ADH1B: variants seen among roughly 807,000 people sequenced by gnomAD.
ADH1B encodes alcohol dehydrogenase 1B (class I), beta polypeptide, also known as all-trans-retinol dehydrogenase [NAD(+)] ADH1B.
In ADH1B, 29 loss-of-function variants were observed where a neutral mutation model predicts 34.6. The ratio of observed to expected loss-of-function variants is 0.84; its 90% CI spans 0.62 to 1.14. The LOEUF is 1.14. Among genes scored for constraint, ADH1B ranks in the 50% most tolerant of loss-of-function variants. The pLI, the probability that ADH1B is intolerant of heterozygous loss-of-function variation, is 0.00. For missense variants in ADH1B, 424 were observed against 468.4 expected, an observed-to-expected ratio of 0.91 and a Z score of 0.87; for synonymous variants, 170 against 175.5, an observed-to-expected ratio of 0.97 and a Z score of 0.25.
Position 99,307,872 on chromosome 4 carries a change from AG to A in ADH1B, c.1104-9del, listed in dbSNP as rs2110627852. 6.2e-7 allele frequency: 1 copy of A among 1,613,966 alleles called. No individual in the cohort carries two copies. Among genetic ancestry groups the A allele is most frequent in the East Asian group, 2.2e-5 (1 of 44,864 alleles). On this transcript the variant is annotated splice_polypyrimidine_tract_variant and intron_variant, in intron 8 of 8. Coordinates refer to ENST00000305046, the MANE Select transcript of ADH1B (RefSeq NM_000668.6). ...GTCAGGACGGTACGGATACTGCAATAGGAAAGAAGAGACATTGTGTTAACAT... is the reference window on the plus strand; with the variant it reads ...GTCAGGACGGTACGGATACTGCAATAGAAAGAAGAGACATTGTGTTAACAT...
rs369951226 is a variant in ADH1B, at chr4:99,316,066, G to A, written c.399C>T (p.Cys133=). 7 of 1,614,064 alleles carry A rather than the reference G, an allele frequency of 4.3e-6. No individual in the cohort carries two copies. The highest frequency in any genetic ancestry group is 1.3e-5 in the African/African-American group (1 of 74,922). The change falls in exon 5 of 9, where the codon TGC becomes TGT. Residue 133 remains cysteine, a synonymous_variant. Transcript: ENST00000305046. The part of the protein sequence containing the change: ...TLQDGTRRFT[C]RGKPIHHFLG... ...GGAAGTGGTGAATGGGCTTCCCCCT[G>A]CAGGTGAACCTCCTGGTGCCATCCT...
Position 99,318,154 on chromosome 4 carries a change from C to T in ADH1B, c.151G>A (p.Asp51Asn), listed in dbSNP as rs1481323916. The T allele has an allele frequency of 1.2e-6, 2 of 1,613,992 alleles. No homozygotes were observed. Among genetic ancestry groups the T allele is most frequent in the Non-Finnish European group, 1.7e-6 (2 of 1,180,010 alleles). Residue 51 changes from aspartate to asparagine, a missense_variant, in exon 3 of 9, where the codon GAC (aspartate) becomes AAC (asparagine). Transcript: ENST00000305046. ...MVAVGICHTD[D>N]HVVSGNLVTP... ...ACCAGGTTGCCACTAACCACGTGGT[C>T]ATCTGTGTGACAGATTCCTACAGCC...
At chr4:99,311,770 A>G (rs1291350180) in intron 6 of ADH1B, 114 bp from the exon 7 acceptor site, 1 of 1,450,280 alleles carries the variant, frequency 6.9e-7, no homozygotes, top group East Asian at 2.3e-5. Context: ...GAGGGAAGAG[A>G]TCATGTCTTT....
chr4:99,314,247 AG>A, intron 5 of ADH1B, 166 bp from the exon 6 acceptor site: 2 of 1,175,092 alleles, frequency 1.7e-6, no homozygotes, highest in Non-Finnish European at 2.3e-6. Context: ...TTTAAATTCA[AG>A]GGGATGAACT....
At chr4:99,309,320 A>T (rs1733690343) in intron 8 of ADH1B, among the ~76,000 whole-genome samples, 1 of 152,200 alleles carries the variant, frequency 6.6e-6, no homozygotes, top group African/African-American at 2.4e-5. Flanking sequence ...TTCCAAAAGT[A>T]TGTATCAATT....
rs752300177 is a variant in ADH1B, at chr4:99,314,077, G to A, written c.572C>T (p.Thr191Ile). The change falls in exon 6 of 9, where the codon ACC (threonine) becomes ATC (isoleucine). Residue 191 changes from threonine (T) to isoleucine (I), a missense_variant. Thr to Ile is a moderately conservative substitution (Grantham distance 89). This residue lies in a region of ADH1B where 291 missense variants were observed against 300.4 expected (regional missense o/e 0.97). Transcript: ENST00000305046. ...YGSAVNVAKV[T>I]PGSTCAVFGL... ...AAACACAGCACAGGTAGAGCCTGGGGTGACCTGTGTTTTCAGAAAATGCAA... is the reference window on the plus strand; with the variant it reads ...AAACACAGCACAGGTAGAGCCTGGGATGACCTGTGTTTTCAGAAAATGCAA... 3 of 1,612,550 alleles carry A rather than the reference G, an allele frequency of 1.9e-6. No homozygotes were observed. In the Admixed American group the frequency reaches 5.0e-5, roughly 27 times the overall value.
chr4:99,310,614 T>C, intron 8 of ADH1B, 151 bp downstream of exon 8: 1 of 1,100,876 alleles, frequency 9.1e-7, no homozygotes, highest in Non-Finnish European at 1.3e-6. Context: ...TCTCACAGTA[T>C]GATCCTACAT....
intron 5 of ADH1B, chr4:99,315,163 T>C (rs191587739): frequency 6.6e-6 from 1 of 152,356 alleles, no homozygotes; most frequent in African/African-American, 2.4e-5. Flanking sequence ...ATTAAAAATA[T>C]ATTTTAGTCT....
rs1248672211 is a variant in ADH1B, at chr4:99,305,591, A to G, written c.*2249T>C. 4 of 124,656 alleles carry G rather than the reference A, an allele frequency of 3.2e-5. 1 individual carries two copies. Among genetic ancestry groups the G allele is most frequent in the South Asian group, 2.6e-4 (1 of 3,874 alleles). The allele number at this position is 124,656 out of a possible 1,614,324, so 7.7% of individuals were successfully genotyped here. A position where few individuals can be genotyped will look rare whatever the true frequency, so the allele number is the denominator to read the frequency against. The stretch of plus-strand genomic sequence containing the variant: ...TATATATATATATATATATATATAT[A>G]TATATATATATATATATACAATCAC... On this transcript the variant is annotated 3_prime_UTR_variant, in exon 9 of 9. Transcript: ENST00000305046.
chr4:99,312,175 T>C (rs1487904745), intron 6 of ADH1B, among the ~76,000 whole-genome samples: 1 of 152,170 alleles, frequency 6.6e-6, no homozygotes, highest in Non-Finnish European at 1.5e-5. Flanking sequence ...ACATGTTCTG[T>C]AGTTAGAAAA....
At chr4:99,318,913 A>G (rs1484547801) in intron 1 of ADH1B, 27 bp from the exon 2 acceptor site, 2 of 1,604,378 alleles carry the variant, frequency 1.2e-6, no homozygotes, top group South Asian at 1.1e-5. Context: ...AGAGATGGTG[A>G]CAGTGTTTTC....
chr4:99,310,666 G>C, intron 8 of ADH1B, 99 bp downstream of exon 8: 1 of 1,468,898 alleles, frequency 6.8e-7, no homozygotes, highest in Non-Finnish European at 9.1e-7. Flanking sequence ...AAAACCAAGG[G>C]ACTCTATATT....
chr4:99,314,239 T>C, intron 5 of ADH1B, 158 bp from the exon 6 acceptor site: 1 of 1,226,250 alleles, frequency 8.2e-7, no homozygotes, highest in East Asian at 2.5e-5. Flanking sequence ...GCTTTATTTT[T>C]AAATTCAAGG....
At chr4:99,315,856 A>G in intron 5 of ADH1B, 42 bp downstream of exon 5, 1 of 1,609,222 alleles carries the variant, frequency 6.2e-7, no homozygotes, top group Non-Finnish European at 8.5e-7. Context: ...GGTTTCCGAC[A>G]GTCTGCATGT....
At chr4:99,320,290 A>G (rs1733990165) in intron 1 of ADH1B, 1 of 152,196 alleles carries the variant, frequency 6.6e-6, no homozygotes, top group African/African-American at 2.4e-5. Flanking sequence ...AAGTGAGAAC[A>G]TTGGATATTT....
chr4:99,318,989 G>C lies in ADH1B; in HGVS notation c.19-103C>G, dbSNP rs780618392. On this transcript the variant is annotated intron_variant, in intron 1 of 8. Transcript: ENST00000305046. The stretch of plus-strand genomic sequence containing the variant: ...CATGTAATATTGCGTCCCATGTCTG[G>C]TACCTAACAAGTGCTCCATGGAAAT... The C allele has an allele frequency of 4.8e-6, 6 of 1,242,572 alleles. No homozygotes were observed. The African/African-American group carries it at 7.4e-5, about 15-fold the overall frequency. The allele number at this position is 1,242,572 out of a possible 1,614,324, so 77.0% of individuals were successfully genotyped here. A position where few individuals can be genotyped will look rare whatever the true frequency, so the allele number is the denominator to read the frequency against.
intron 1 of ADH1B, chr4:99,320,725 A>C: frequency 1.0e-6 from 1 of 980,338 alleles, no homozygotes; most frequent in Non-Finnish European, 1.2e-6. Context: ...ATTTTTGTGG[A>C]AATTCCCTGA....
chr4:99,312,031 A>G (rs28914774), intron 6 of ADH1B, among the ~76,000 whole-genome samples: 316 of 152,272 alleles, frequency 2.1e-3, no homozygotes, highest in African/African-American at 7.1e-3. Context: ...TCTACTGTCC[A>G]TTTCTCAAAC....
At chr4:99,318,363 T>C in intron 2 of ADH1B, 179 bp from the exon 3 acceptor site, 1 of 723,886 alleles carries the variant, frequency 1.4e-6, no homozygotes, top group Non-Finnish European at 2.2e-6. Flanking sequence ...CTAAAGCCCT[T>C]CTCTACCTTC....
Sources: gnomAD v4.1 joint callset for allele counts (sites outside exome capture counted in the v4.1 genomes callset) on GRCh38, gnomAD v4.1.1 for gene constraint, gnomAD v4.1.1 regional missense constraint, MANE v1.5 for transcripts, NCBI Gene and HGNC (gene_info 2026-07-23, HGNC 2026-07-21) for gene names.